Variants in WDR90 observed in about 807,000 individuals in gnomAD.
WDR90 encodes the protein WD repeat-containing protein 90.
WDR90 carries 238 observed loss-of-function variants against 195.2 expected under a neutral mutation model. The observed-to-expected ratio is 1.22, with a 90% confidence interval of 1.10 to 1.36. The LOEUF (loss-of-function observed/expected upper bound fraction) is 1.36. WDR90 is among the 40% of genes most tolerant of loss of function. WDR90 has a pLI of 0.00. For missense variants in WDR90, 2,734 were observed against 2,439.5 expected (o/e 1.12, Z -2.54); for synonymous variants, 1,265 against 1,052.4 (o/e 1.20, Z -3.91).
chr16:650,402 G>C, intron 4 of WDR90, 40 bp downstream of exon 4: 1 of 1,596,672 alleles, frequency 6.3e-7, no homozygotes. Flanking sequence ...AGGACAGGTG[G>C]CTGGAGGGAG....
intron 10 of WDR90, among the ~76,000 whole-genome samples, chr16:653,092 G>T (rs2037677991): frequency 6.6e-6 from 1 of 152,216 alleles, no homozygotes; most frequent in Admixed American, 6.5e-5. Context: ...AGGCGTCTGT[G>T]CATGTGTGTA....
At chr16:650,418 G>A (rs2037620973) in intron 4 of WDR90, 56 bp downstream of exon 4, 3 of 1,595,044 alleles carry the variant, frequency 1.9e-6, no homozygotes, top group East Asian at 4.5e-5. Flanking sequence ...GGGAGTTGGT[G>A]CAGGCCCAGT....
intron 34 of WDR90, 186 bp downstream of exon 34, chr16:663,030 GT>G: frequency 1.1e-6 from 1 of 896,240 alleles, no homozygotes; most frequent in East Asian, 2.6e-5. Flanking sequence ...TCCCGGTTGT[GT>G]CTGCACAAGC....
Position 657,202 on chromosome 16 carries a change from G to A in WDR90, c.2454G>A (p.Trp818Ter), listed in dbSNP as rs376139933. 1.0e-5 allele frequency: 16 copies of A among 1,552,452 alleles called. No individual in the cohort carries two copies. In the Middle Eastern group the frequency reaches 5.1e-4, roughly 50 times the overall value. Residue 818 changes from tryptophan to a stop codon, truncating the protein, a stop_gained, in exon 20 of 41, where the codon TGG becomes TGA. Transcript: ENST00000293879. LOFTEE classifies it high-confidence loss of function. Reference protein sequence around the residue: ...LAQYSCADPQWHVLRVAADMV... With the variant: ...LAQYSCADPQ ...AGTACAGCTGTGCGGACCCCCAGTG[G>A]CATGTCCTCCGAGTGGCAGGTTGGG...
At position 651,641 on chromosome 16, in the gene WDR90, T is replaced by G. The variant is rs753010226; in HGVS notation, c.737-3T>G. The G allele has an allele frequency of 6.2e-7, 1 of 1,612,290 alleles. No homozygotes were observed. Among genetic ancestry groups the G allele is most frequent in the Non-Finnish European group, 8.5e-7 (1 of 1,179,920 alleles). ...GTCACTGGGGTTCTTTGCTCTGTTCTAGTCCTCCTGGGGCCGGGGCCACAG... is the reference window on the plus strand; with the variant it reads ...GTCACTGGGGTTCTTTGCTCTGTTCGAGTCCTCCTGGGGCCGGGGCCACAG... On this transcript the variant is annotated splice_polypyrimidine_tract_variant and splice_region_variant and intron_variant, in intron 7 of 40. Transcript: ENST00000293879.
At chr16:661,306 G>A (rs370092758) in intron 29 of WDR90, 36 bp from the exon 30 acceptor site, 11 of 1,558,174 alleles carry the variant, frequency 7.1e-6, no homozygotes, top group African/African-American at 2.7e-5. Flanking sequence ...AGCCAGCCAC[G>A]GCCTCCCCAC....
At position 666,189 on chromosome 16, in the gene WDR90, G is replaced by A. The variant is rs189156518; in HGVS notation, c.4610-31G>A. On this transcript the variant is annotated intron_variant, in intron 36 of 40. Transcript: ENST00000293879. The stretch of plus-strand genomic sequence containing the variant: ...CTGGCCCAGGTCCAGTCTCCGGGCT[G>A]GGGGCTCACAGGGTGACGGCATGGT... 5 of 1,606,976 alleles carry A rather than the reference G, an allele frequency of 3.1e-6. No individual in the cohort carries two copies. The African/African-American group carries it at 5.3e-5, about 17-fold the overall frequency.
rs768284873 is a variant in WDR90 at position 650,339 on chromosome 16, TGGAG to T, written c.367_370del (p.Glu123ProfsTer33). 2 of 1,612,828 alleles carry T rather than the reference TGGAG, an allele frequency of 1.2e-6. No homozygotes were observed. Among genetic ancestry groups the T allele is most frequent in the South Asian group, 2.2e-5 (2 of 91,086 alleles). Reference sequence around the variant, plus strand: ...ACGTGGCTCCAGTTTCCCTTGGTCCTGGAGGCCAGGACACCTCAGAGAGGTGACA... The same window carrying T: ...ACGTGGCTCCAGTTTCCCTTGGTCCTGCCAGGACACCTCAGAGAGGTGACA... On this transcript the variant is annotated frameshift_variant, in exon 4 of 41. Coordinates refer to ENST00000293879, the MANE Select transcript of WDR90 (RefSeq NM_145294.5). LOFTEE classifies it high-confidence loss of function.
At position 666,490 on chromosome 16, in the gene WDR90, G is replaced by C; in HGVS notation, c.4776G>C (p.Trp1592Cys). The change falls in exon 38 of 41, where the codon TGG (tryptophan) becomes TGC (cysteine). Residue 1592 changes from tryptophan (W) to cysteine (C), a missense_variant. Transcript: ENST00000293879. Reference protein sequence around the residue: ...EDLGVEGTDLWLAASGDQRVS... With the variant: ...EDLGVEGTDLCLAASGDQRVS... ...TAGGGGTGGAGGGCACAGACCTATG[G>C]CTGGCTGCCAGTGGGGACCAGCGGG... The C allele has an allele frequency of 6.2e-7, 1 of 1,612,696 alleles. No individual in the cohort carries two copies. Among genetic ancestry groups the C allele is most frequent in the Non-Finnish European group, 8.5e-7 (1 of 1,179,976 alleles).
chr16:653,915 C>T, intron 13 of WDR90, 112 bp downstream of exon 13: 1 of 1,363,860 alleles, frequency 7.3e-7, no homozygotes, highest in Admixed American at 2.1e-5. Context: ...GGTCCCTGCT[C>T]TGTGTCCTCC....
Position 661,970 on chromosome 16 carries a change from A to G in WDR90, c.3944A>G (p.Tyr1315Cys), listed in dbSNP as rs768388483. The G allele has an allele frequency of 5.0e-6, 8 of 1,606,382 alleles. No individual in the cohort carries two copies. Among genetic ancestry groups the G allele is most frequent in the African/African-American group, 2.7e-5 (2 of 74,880 alleles). ...SLCYGAPPLL[Y>C]CGTSSGQVCV... ...TGCTACGGGGCACCTCCCCTGCTCT[A>G]TTGTGGCACCAGCTCTGGCCAGGTC... Residue 1315 changes from tyrosine to cysteine, a missense_variant, in exon 32 of 41, where the codon TAT (tyrosine) becomes TGT (cysteine). Coordinates refer to ENST00000293879, the MANE Select transcript of WDR90 (RefSeq NM_145294.5).
chr16:651,934 C>T lies in WDR90; in HGVS notation c.948C>T (p.Pro316=). 1 of 1,608,932 alleles carries T rather than the reference C, an allele frequency of 6.2e-7. No individual in the cohort carries two copies. Among genetic ancestry groups the T allele is most frequent in the South Asian group, 1.1e-5 (1 of 90,466 alleles). ...GCCCCGGTTTCCATAGCCTTGAGCC[C>T]TGGGCCCAGCTGGAGGCCTCTGACA... ...ADGPGFHSLE[P]WAQLEASDIH... The change falls in exon 9 of 41, where the codon CCC becomes CCT. Residue 316 remains proline (P), a synonymous_variant. Coordinates refer to ENST00000293879, the MANE Select transcript of WDR90 (RefSeq NM_145294.5).
Position 661,516 on chromosome 16 carries a change from G to A in WDR90, c.3673+15G>A. Reference sequence around the variant, plus strand: ...TGTCACACTGGGTCAGTGGGAGGGAGGGTGGAGGCCAGGGGCTTCCCTAGA... The same window carrying A: ...TGTCACACTGGGTCAGTGGGAGGGAAGGTGGAGGCCAGGGGCTTCCCTAGA... On this transcript the variant is annotated intron_variant, in intron 30 of 40. Coordinates refer to ENST00000293879, the MANE Select transcript of WDR90 (RefSeq NM_145294.5). 2 of 1,591,034 alleles carry A rather than the reference G, an allele frequency of 1.3e-6. No homozygotes were observed. The highest frequency in any genetic ancestry group is 1.7e-6 in the Non-Finnish European group (2 of 1,167,798).
At position 663,066 on chromosome 16, in the gene WDR90, T is replaced by C. The variant is rs79631562; in HGVS notation, c.4311+222T>C. The C allele has an allele frequency of 1.3e-5, 9 of 719,212 alleles. No homozygotes were observed. The African/African-American group carries it at 1.6e-4, about 12-fold the overall frequency. 44.6% of individuals were successfully genotyped at this position (719,212 alleles called of 1,614,324 possible). On this transcript the variant is annotated intron_variant, in intron 34 of 40. Coordinates refer to ENST00000293879, the MANE Select transcript of WDR90 (RefSeq NM_145294.5). ...CGAGCCGCCTGGCAGGCCTTGCAGGTCTTCTCAAACTGTCCTTTCCCTGCT... is the reference window on the plus strand; with the variant it reads ...CGAGCCGCCTGGCAGGCCTTGCAGGCCTTCTCAAACTGTCCTTTCCCTGCT...
chr16:661,509 G>T lies in WDR90; in HGVS notation c.3673+8G>T, dbSNP rs993952071. 6.3e-7 allele frequency: 1 copy of T among 1,596,692 alleles called. No homozygotes were observed. The highest frequency in any genetic ancestry group is 1.7e-5 in the Admixed American group (1 of 59,228). Reference sequence around the variant, plus strand: ...GGCTTCTTGTCACACTGGGTCAGTGGGAGGGAGGGTGGAGGCCAGGGGCTT... The same window carrying T: ...GGCTTCTTGTCACACTGGGTCAGTGTGAGGGAGGGTGGAGGCCAGGGGCTT... On this transcript the variant is annotated splice_region_variant and intron_variant, in intron 30 of 40. Transcript: ENST00000293879.
chr16:660,304 C>G, intron 27 of WDR90, 143 bp downstream of exon 27: 5 of 765,286 alleles, frequency 6.5e-6, no homozygotes, highest in South Asian at 1.9e-5. Context: ...CTGGAGGCAA[C>G]TTCATCCCAC....
chr16:665,782 A>G lies in WDR90; in HGVS notation c.4415A>G (p.Gln1472Arg). The change falls in exon 35 of 41, where the codon CAG becomes CGG. Residue 1472 changes from glutamine (Q) to arginine (R), a missense_variant. Physicochemically the swap from Gln to Arg is conservative, Grantham distance 43. Coordinates refer to ENST00000293879, the MANE Select transcript of WDR90 (RefSeq NM_145294.5). ...WALASMELVI[Q>R]FQVLNQSCLC... ...TTGGCCAGCATGGAGCTTGTGATCC[A>G]GTTCCAGGTGCTGAACCAGGTGTGT... is the stretch of plus-strand genomic sequence containing the variant. 1.3e-6 allele frequency: 2 copies of G among 1,575,674 alleles called. No individual in the cohort carries two copies. The highest frequency in any genetic ancestry group is 1.7e-6 in the Non-Finnish European group (2 of 1,158,714).
intron 34 of WDR90, among the ~76,000 whole-genome samples, chr16:664,116 G>C (rs546475222): frequency 2.0e-5 from 3 of 152,188 alleles, no homozygotes; most frequent in African/African-American, 4.8e-5. Context: ...AGGTGTAGTC[G>C]TCACAGCACA....
chr16:667,753 T>C lies in WDR90; in HGVS notation c.*164T>C, dbSNP rs765201029. On this transcript the variant is annotated 3_prime_UTR_variant, in exon 41 of 41. Transcript: ENST00000293879. The stretch of plus-strand genomic sequence containing the variant: ...TGTTGTAAATTTGGCGCCCTGTGAA[T>C]ACTTTCATACCTGTTGCCCTTTTGC... 1.2e-5 allele frequency: 11 copies of C among 954,370 alleles called. No homozygotes were observed. The highest frequency in any genetic ancestry group is 4.0e-5 in the Admixed American group (2 of 49,928). 59.1% of individuals were successfully genotyped at this position (954,370 alleles called of 1,614,324 possible).
Sources: gnomAD v4.1 joint callset for allele counts (sites outside exome capture counted in the v4.1 genomes callset) on GRCh38, gnomAD v4.1.1 for gene constraint, MANE v1.5 for transcripts, NCBI Gene and HGNC (gene_info 2026-07-23, HGNC 2026-07-21) for gene names.